The following ZNF831 variants were observed in gnomAD, a reference collection of about 807,000 sequenced individuals.
ZNF831 encodes chromosome 20 open reading frame 174.
In ZNF831, 59 loss-of-function variants were observed where a neutral mutation model predicts 95.8. The observed-to-expected ratio is 0.62, with a 90% CI of 0.50 to 0.77. The LOEUF is 0.77. ZNF831 is among the 30% of genes least tolerant of loss of function. The probability of loss-of-function intolerance (pLI) is 0.00; values close to 1 mark genes in which losing one functional copy is unlikely to be tolerated. For missense variants in ZNF831, 2,205 were observed against 2,164.0 expected, an observed-to-expected ratio of 1.02 and a Z score of -0.38; for synonymous variants, 961 against 925.5, an observed-to-expected ratio of 1.04 and a Z score of -0.70.
intron 4 of ZNF831, among the ~76,000 whole-genome samples, chr20:59,222,787 A>T (rs913448429): frequency 6.6e-6 from 1 of 151,940 alleles, no homozygotes; most frequent in African/African-American, 2.4e-5. Context: ...CGGACCCCAG[A>T]CTCGTGCAAT....
At chr20:59,250,179 A>T (rs1987812406) in intron 4 of ZNF831, among the ~76,000 whole-genome samples, 1 of 152,202 alleles carries the variant, frequency 6.6e-6, no homozygotes, top group Non-Finnish European at 1.5e-5. Flanking sequence ...ACAGCATACA[A>T]AATGCTGGGG....
chr20:59,188,695 T>C (rs1983265948), intron 1 of ZNF831, among the ~76,000 whole-genome samples: 1 of 151,534 alleles, frequency 6.6e-6, no homozygotes, highest in African/African-American at 2.4e-5. Flanking sequence ...AATTGGGTTG[T>C]CTTTTGTTAT....
At chr20:59,225,510 C>G (rs551931307) in intron 4 of ZNF831, among the ~76,000 whole-genome samples, 157 of 152,280 alleles carry the variant, frequency 1.0e-3, no homozygotes, top group Non-Finnish European at 1.9e-3. Flanking sequence ...GGATGAGAAA[C>G]TAGATTAATC....
intron 2 of ZNF831, among the ~76,000 whole-genome samples, chr20:59,156,046 C>T (rs1263860816): frequency 6.6e-6 from 1 of 152,120 alleles, no homozygotes; most frequent in Non-Finnish European, 1.5e-5. Flanking sequence ...ATTCCCAGCG[C>T]TTAGAAGCAA....
At position 59,193,657 on chromosome 20, in the gene ZNF831, C is replaced by T. The variant is rs545387355; in HGVS notation, c.2638C>T (p.Leu880=). 1.2e-5 allele frequency: 20 copies of T among 1,613,022 alleles called. No homozygotes were observed. The Admixed American group carries it at 2.8e-4, about 23-fold the overall frequency. ...KESARQVGEP[L]ESSGASLAAA... The stretch of plus-strand genomic sequence containing the variant: ...GAGTGCCAGGCAGGTGGGCGAGCCT[C>T]TGGAGTCCTCTGGAGCCTCCTTGGC... Residue 880 remains leucine (L), a synonymous_variant, in exon 2 of 6, where the codon CTG becomes TTG. Transcript: ENST00000371030.
At chr20:59,220,009 A>G (rs912772445) in intron 4 of ZNF831, among the ~76,000 whole-genome samples, 9 of 152,164 alleles carry the variant, frequency 5.9e-5, no homozygotes, top group African/African-American at 2.2e-4. Context: ...AAGTTGAGAG[A>G]GAGAAAAGAG....
chr20:59,241,213 A>G (rs1309983272), intron 4 of ZNF831, among the ~76,000 whole-genome samples: 3 of 152,100 alleles, frequency 2.0e-5, no homozygotes, highest in African/African-American at 7.2e-5. Context: ...TGCGACCTTG[A>G]GGTTCAAGTC....
intron 4 of ZNF831, among the ~76,000 whole-genome samples, chr20:59,212,012 A>C (rs1352972407): frequency 2.0e-5 from 3 of 152,126 alleles, no homozygotes; most frequent in Non-Finnish European, 4.4e-5. Flanking sequence ...GCAGAGAAAA[A>C]CTTTAGATAC....
At chr20:59,153,449 G>A (rs777611344) in intron 2 of ZNF831, among the ~76,000 whole-genome samples, 5 of 152,266 alleles carry the variant, frequency 3.3e-5, no homozygotes, top group Non-Finnish European at 5.9e-5. Flanking sequence ...GGCTTGGCAG[G>A]AGCAGTGGAT....
At chr20:59,228,163 ATTG>A (rs1044472007) in intron 4 of ZNF831, among the ~76,000 whole-genome samples, 7 of 152,122 alleles carry the variant, frequency 4.6e-5, no homozygotes, top group African/African-American at 1.7e-4. Flanking sequence ...TAAGTTAGAT[ATTG>A]TTGTGTAGCA....
chr20:59,210,757 T>C (rs540587664), intron 4 of ZNF831, among the ~76,000 whole-genome samples: 2 of 152,348 alleles, frequency 1.3e-5, no homozygotes, highest in Admixed American at 6.5e-5. Flanking sequence ...CCCACTTCCA[T>C]AAACATCCTG....
chr20:59,194,080 C>G lies in ZNF831; in HGVS notation c.3061C>G (p.Gln1021Glu), dbSNP rs2146593895. The change falls in exon 2 of 6, where the codon CAG becomes GAG. Residue 1021 changes from glutamine (Q) to glutamate (E), a missense_variant. By Grantham distance (29) the Gln-to-Glu change is conservative. Coordinates refer to ENST00000371030, the MANE Select transcript of ZNF831 (RefSeq NM_178457.3). ...GCCACAGGATGGGAGAAAAGGGGCA[C>G]AGTTGGGGGGGGACAAGGGGGACAG... ...SRPQDGRKGA[Q>E]LGGDKGDRMA... The G allele has an allele frequency of 6.5e-7, 1 of 1,533,490 alleles. No homozygotes were observed. Among genetic ancestry groups the G allele is most frequent in the Non-Finnish European group, 8.8e-7 (1 of 1,140,988 alleles). The allele number at this position is 1,533,490 out of a possible 1,614,324, so 95.0% of individuals were successfully genotyped here.
intron 1 of ZNF831, among the ~76,000 whole-genome samples, chr20:59,186,867 T>C (rs567485869): frequency 2.0e-5 from 3 of 149,542 alleles, no homozygotes; most frequent in Non-Finnish European, 4.4e-5. Context: ...GGACAGAGAG[T>C]GGGTGCAATG....
chr20:59,132,649 C>G (rs1979383353), intron 1 of ZNF831, among the ~76,000 whole-genome samples: 1 of 152,142 alleles, frequency 6.6e-6, no homozygotes, highest in Admixed American at 6.5e-5. Context: ...ATGTCTTTGC[C>G]TATTTTTTTT....
chr20:59,127,810 G>A (rs1340972014), intron 1 of ZNF831, among the ~76,000 whole-genome samples: 8 of 152,206 alleles, frequency 5.3e-5, no homozygotes, highest in Non-Finnish European at 7.3e-5. Flanking sequence ...ATGCCTGCCC[G>A]TGGAACTTTT....
chr20:59,199,071 ATATCTATCTATCTATC>A (rs71183162), intron 3 of ZNF831, among the ~76,000 whole-genome samples: 4,745 of 95,344 alleles, frequency 0.05, 131 homozygotes, highest in Admixed American at 0.082. Context: ...ATCAACTTAC[ATATCTATCTATCTATC>A]TATCTATCTA....
intron 4 of ZNF831, among the ~76,000 whole-genome samples, chr20:59,244,846 T>C (rs1010770588): frequency 4.6e-5 from 7 of 152,218 alleles, no homozygotes; most frequent in African/African-American, 1.4e-4. Context: ...TGTACTACTA[T>C]TTATCTGTTC....
At chr20:59,199,138 G>T (rs1028511814) in intron 3 of ZNF831, among the ~76,000 whole-genome samples, 1 of 131,268 alleles carries the variant, frequency 7.6e-6, no homozygotes, top group African/African-American at 3.0e-5. Context: ...TATCTATCAC[G>T]TAACCCTTGT....
Position 59,253,128 on chromosome 20 carries a change from G to A in ZNF831, c.4178G>A (p.Arg1393Gln), listed in dbSNP as rs753837433. 49 of 1,613,998 alleles carry A rather than the reference G, an allele frequency of 3.0e-5. No individual in the cohort carries two copies. In the South Asian group the frequency reaches 4.1e-4, roughly 13 times the overall value. ...SSRIVREMDK[R>Q]TVKDISPSAG... ...AGAATTGTCAGGGAAATGGACAAAC[G>A]AACTGTGAAGGTGGGCATGATGATT... The change falls in exon 5 of 6, where the codon CGA (arginine) becomes CAA (glutamine). Residue 1393 changes from arginine to glutamine, a missense_variant. By Grantham distance (43) the Arg-to-Gln change is conservative. Transcript: ENST00000371030.
Sources: gnomAD v4.1 joint callset for allele counts (sites outside exome capture counted in the v4.1 genomes callset) on GRCh38, gnomAD v4.1.1 for gene constraint, MANE v1.5 for transcripts, NCBI Gene and HGNC (gene_info 2026-07-23, HGNC 2026-07-21) for gene names.